The following RGS6 variants were observed in gnomAD, a reference collection of about 807,000 sequenced individuals.
RGS6 encodes the protein regulator of G-protein signaling 6.
A neutral mutation model predicts 78.5 loss-of-function variants in RGS6; 30 were observed. That is an observed-to-expected ratio of 0.38 (90% CI 0.29 to 0.52). The LOEUF is 0.52. RGS6 is among the 20% of genes least tolerant of loss of function. RGS6 has a pLI of 0.85. For synonymous variants in RGS6, 206 were observed against 206.0 expected (o/e 1.00, Z 0.00); for missense variants, 495 against 609.7 (o/e 0.81, Z 1.98).
the RGS6 span, among the ~76,000 whole-genome samples, chr14:72,612,793 GAGA>G: frequency 2.0e-5 from 3 of 152,236 alleles, no homozygotes; most frequent in Admixed American, 6.5e-5. Flanking sequence ...ACGAAGGGAA[GAGA>G]AGGAGAGAGG....
chr14:72,299,349 T>C (rs11846195), intron 2 of RGS6, among the ~76,000 whole-genome samples: 7,479 of 152,292 alleles, frequency 0.049, 550 homozygotes, highest in African/African-American at 0.17. Flanking sequence ...AGACTTTTTA[T>C]ATAAATGAGA....
intron 2 of RGS6, among the ~76,000 whole-genome samples, chr14:72,327,734 T>G (rs111866605): frequency 6.6e-6 from 1 of 152,194 alleles, no homozygotes; most frequent in African/African-American, 2.4e-5. Flanking sequence ...GTTCTGTCCC[T>G]CCTGACTGTG....
intron 2 of RGS6, among the ~76,000 whole-genome samples, chr14:72,129,933 C>T (rs540769152): frequency 4.6e-5 from 7 of 152,266 alleles, no homozygotes; most frequent in African/African-American, 1.4e-4. Flanking sequence ...TCAGTTCTGA[C>T]ACTCACCATC....
At position 72,260,182 on chromosome 14, in the gene RGS6, A is replaced by G. The variant is rs77913985; in HGVS notation, c.85-91913A>G. ...TGTTAGGCTCTATGATCTGGTGACA[A>G]TAGTCGTTACTGTTAGAGGTGAATC... On this transcript the variant is annotated intron_variant, in intron 2 of 17. Coordinates refer to ENST00000553525, the MANE Select transcript of RGS6 (RefSeq NM_001204424.2). 2.1e-4 allele frequency among the ~76,000 whole-genome samples: 32 copies of G among 152,276 alleles called. No homozygotes were observed. The East Asian group carries it at 5.8e-3, about 28-fold the overall frequency.
intron 2 of RGS6, among the ~76,000 whole-genome samples, chr14:72,074,718 T>A (rs2094518234): frequency 6.6e-6 from 1 of 152,160 alleles, no homozygotes; most frequent in Non-Finnish European, 1.5e-5. Flanking sequence ...CTATCCTATC[T>A]CATATGCAAG....
At chr14:72,488,027 A>G (rs898348512) in intron 12 of RGS6, among the ~76,000 whole-genome samples, 4 of 152,114 alleles carry the variant, frequency 2.6e-5, no homozygotes, top group Non-Finnish European at 5.9e-5. Context: ...TCCTTTTCCC[A>G]TCAATAAAAT....
the RGS6 span, among the ~76,000 whole-genome samples, chr14:71,907,106 A>G: frequency 6.6e-6 from 1 of 152,218 alleles, no homozygotes; most frequent in African/African-American, 2.4e-5. Context: ...CAGACATGGT[A>G]TTGGATGTGG....
intron 3 of RGS6, among the ~76,000 whole-genome samples, chr14:72,451,388 G>A (rs2095489188): frequency 6.6e-6 from 1 of 152,174 alleles, no homozygotes; most frequent in South Asian, 2.1e-4. Context: ...CTCTGTAAAT[G>A]CAAACCACGG....
chr14:71,992,379 C>T (rs2094996672), intron 2 of RGS6, among the ~76,000 whole-genome samples: 1 of 152,208 alleles, frequency 6.6e-6, no homozygotes, highest in Non-Finnish European at 1.5e-5. Context: ...ATTGATATAT[C>T]ATTATTTACT....
intron 15 of RGS6, among the ~76,000 whole-genome samples, chr14:72,525,238 A>T (rs532982208): frequency 6.6e-6 from 1 of 152,348 alleles, no homozygotes; most frequent in East Asian, 1.9e-4. Flanking sequence ...TACACCTAGT[A>T]GATAGTCAAG....
the RGS6 span, chr14:72,595,030 CAT>C: frequency 6.6e-6 from 1 of 152,200 alleles, no homozygotes; most frequent in African/African-American, 2.4e-5. Flanking sequence ...GCCATATTTT[CAT>C]AGTCTTTGCT....
chr14:72,498,570 A>T (rs1034422246), intron 13 of RGS6, among the ~76,000 whole-genome samples: 6 of 151,770 alleles, frequency 4.0e-5, no homozygotes, highest in African/African-American at 1.2e-4. Context: ...ATTTTTTTTT[A>T]AATCTCCCTT....
intron 12 of RGS6, among the ~76,000 whole-genome samples, chr14:72,478,721 C>G (rs1466175451): frequency 6.6e-6 from 1 of 152,208 alleles, no homozygotes; most frequent in African/African-American, 2.4e-5. Flanking sequence ...CTTTGAGGTG[C>G]TGGCTGCATA....
the RGS6 span, among the ~76,000 whole-genome samples, chr14:72,625,167 T>A: frequency 6.6e-6 from 1 of 152,340 alleles, no homozygotes; most frequent in Admixed American, 6.5e-5. Flanking sequence ...TTCGTCCTTA[T>A]AACCATAACT....
the RGS6 span, among the ~76,000 whole-genome samples, chr14:71,888,099 G>A: frequency 6.6e-6 from 1 of 152,074 alleles, no homozygotes; most frequent in African/African-American, 2.4e-5. Context: ...ATGGAAAATA[G>A]AAAGAACCTA....
chr14:72,215,151 C>T (rs1224749981), intron 2 of RGS6, among the ~76,000 whole-genome samples: 1 of 152,202 alleles, frequency 6.6e-6, no homozygotes, highest in Non-Finnish European at 1.5e-5. Context: ...TTACTGATTT[C>T]AATACCAGGG....
chr14:72,456,825 C>T (rs185597895), intron 4 of RGS6, among the ~76,000 whole-genome samples: 219 of 152,052 alleles, frequency 1.4e-3, no homozygotes, highest in African/African-American at 4.6e-3. Flanking sequence ...TGCCTGTAAT[C>T]GCAGCTCTTT....
chr14:72,518,220 T>C (rs2096979857), intron 14 of RGS6, 131 bp from the exon 15 acceptor site: 3 of 757,734 alleles, frequency 4.0e-6, no homozygotes, highest in Non-Finnish European at 6.6e-6. Flanking sequence ...TTGCAGCTCA[T>C]GTAGTGGCAT....
chr14:72,190,528 C>T (rs776869924), intron 2 of RGS6, among the ~76,000 whole-genome samples: 8 of 152,174 alleles, frequency 5.3e-5, no homozygotes, highest in African/African-American at 4.8e-5. Flanking sequence ...AGGCCCTTCA[C>T]GGGCAGTGGA....
Sources: allele counts gnomAD v4.1 joint callset (sites outside exome capture counted in the v4.1 genomes callset), GRCh38; gene constraint gnomAD v4.1.1; transcripts MANE v1.5; gene names NCBI Gene and HGNC (gene_info 2026-07-23, HGNC 2026-07-21).